Variants in DOCK4 observed in about 807,000 individuals in gnomAD.
DOCK4 encodes the protein dedicator of cytokinesis protein 4.
A neutral mutation model predicts 268.1 loss-of-function variants in DOCK4; 97 were observed. The observed-to-expected ratio is 0.36, with a 90% CI of 0.31 to 0.43. DOCK4 has a LOEUF of 0.43. Among genes scored for constraint, DOCK4 ranks in the 20% least tolerant of loss-of-function variants. The pLI is 1.00. For synonymous variants in DOCK4, 954 were observed against 887.2 expected (o/e 1.08, Z -1.34); for missense variants, 2,145 against 2,455.7 (o/e 0.87, Z 2.67).
chr7:111,834,758 T>A, intron 25 of DOCK4, 72 bp from the exon 26 acceptor site: 1 of 998,978 alleles, frequency 1.0e-6, no homozygotes, highest in Non-Finnish European at 1.4e-6. Context: ...TAACTTACAC[T>A]GAACTGTCCT....
intron 1 of DOCK4, among the ~76,000 whole-genome samples, chr7:112,197,640 T>A (rs1270718234): frequency 6.6e-6 from 1 of 152,208 alleles, no homozygotes; most frequent in African/African-American, 2.4e-5. Flanking sequence ...GAATCCTTTG[T>A]ACCCATATTA....
intron 35 of DOCK4, among the ~76,000 whole-genome samples, chr7:111,781,514 G>C (rs1798781623): frequency 6.6e-6 from 1 of 152,204 alleles, no homozygotes; most frequent in African/African-American, 2.4e-5. Context: ...TGGCCTGCAG[G>C]TTACCGTTGG....
At position 111,811,967 on chromosome 7, in the gene DOCK4, G is replaced by T; in HGVS notation, c.2931-18C>A. Reference sequence around the variant, plus strand: ...TAATAACACTAGTGATAAAAAAAATGACAAGGTGAAAACTTCATATTAGTG... The same window carrying T: ...TAATAACACTAGTGATAAAAAAAATTACAAGGTGAAAACTTCATATTAGTG... On this transcript the variant is annotated intron_variant, in intron 27 of 52. Transcript: ENST00000428084. 3 of 1,393,386 alleles carry T rather than the reference G, an allele frequency of 2.2e-6. No individual in the cohort carries two copies. Among genetic ancestry groups the T allele is most frequent in the South Asian group, 1.3e-5 (1 of 75,128 alleles). The allele number at this position is 1,393,386 out of a possible 1,614,324, so 86.3% of individuals were successfully genotyped here.
intron 1 of DOCK4, among the ~76,000 whole-genome samples, chr7:112,066,697 A>G (rs1375266565): frequency 0.029 from 660 of 22,862 alleles, 32 homozygotes; most frequent in African/African-American, 0.091. Flanking sequence ...ATACATATAT[A>G]TATATATATA....
chr7:112,142,864 T>C (rs1016870019), intron 1 of DOCK4, among the ~76,000 whole-genome samples: 2 of 152,184 alleles, frequency 1.3e-5, no homozygotes, highest in Non-Finnish European at 2.9e-5. Context: ...TTGTTTCCTT[T>C]AATGCATTTG....
At chr7:112,185,801 GCA>G (rs753937681) in intron 1 of DOCK4, among the ~76,000 whole-genome samples, 1 of 152,150 alleles carries the variant, frequency 6.6e-6, no homozygotes, top group South Asian at 2.1e-4. Context: ...ACCAATGAAT[GCA>G]CAGTCTTAAA....
At chr7:112,200,079 G>A (rs1251290111) in intron 1 of DOCK4, among the ~76,000 whole-genome samples, 1 of 152,190 alleles carries the variant, frequency 6.6e-6, no homozygotes, top group African/African-American at 2.4e-5. Context: ...TGTCATGAAA[G>A]GAACTTCACA....
chr7:112,146,300 G>A (rs1192432088), intron 1 of DOCK4, among the ~76,000 whole-genome samples: 2 of 152,166 alleles, frequency 1.3e-5, no homozygotes, highest in Non-Finnish European at 2.9e-5. Context: ...GGTCATCCTA[G>A]AAGAGGCTTT....
rs567739927 is a variant in DOCK4, at chr7:111,960,350, C to T, written c.702-14552G>A. 3.5e-5 allele frequency among the ~76,000 whole-genome samples: 5 copies of T among 142,596 alleles called. No individual in the cohort carries two copies. In the South Asian group the frequency reaches 6.5e-4, roughly 19 times the overall value. 93.5% of individuals were successfully genotyped at this position (142,596 alleles called of 152,430 possible). A position where few individuals can be genotyped will look rare whatever the true frequency, so the allele number is the denominator to read the frequency against. ...CTGCACTCCAGCCTGGGCAACAGAG[C>T]GAGGCTCTGTCTTAAAAAAAAAAAA... On this transcript the variant is annotated intron_variant, in intron 8 of 52. Transcript: ENST00000428084.
Position 111,940,493 on chromosome 7 carries a change from A to G in DOCK4, c.845-251T>C, listed in dbSNP as rs115879673. ...ATCTGTAAAATACAAAGACTGGAACAGATCCCATGTTTGGGAACCATCCCC... is the reference window on the plus strand; with the variant it reads ...ATCTGTAAAATACAAAGACTGGAACGGATCCCATGTTTGGGAACCATCCCC... On this transcript the variant is annotated intron_variant, in intron 10 of 52. Transcript: ENST00000428084. Among the ~76,000 whole-genome samples, 1,040 of 152,352 alleles carry G rather than the reference A, an allele frequency of 6.8e-3. 14 individuals are homozygous for G. Among genetic ancestry groups the G allele is most frequent in the African/African-American group, 0.024 (979 of 41,590 alleles).
At chr7:112,134,050 T>A (rs1357505967) in intron 1 of DOCK4, among the ~76,000 whole-genome samples, 1 of 152,228 alleles carries the variant, frequency 6.6e-6, no homozygotes, top group Non-Finnish European at 1.5e-5. Context: ...GCCAGAATGA[T>A]GTCAATTTGA....
Position 111,778,308 on chromosome 7 carries a change from T to A in DOCK4, c.3647A>T (p.Tyr1216Phe). ...GTTCTGTGCTTTGAGATGCAGATCA[T>A]AGAGTTTGTGAATGTAGCGTATATA... is the stretch of plus-strand genomic sequence containing the variant. ...EMYIRYIHKL[Y>F]DLHLKAQNFT... The change falls in exon 36 of 53, where the codon TAT becomes TTT. Residue 1216 changes from tyrosine (Y) to phenylalanine (F), a missense_variant. Tyr to Phe is a conservative substitution (Grantham distance 22). Transcript: ENST00000428084. 1 of 1,613,152 alleles carries A rather than the reference T, an allele frequency of 6.2e-7. No homozygotes were observed. The highest frequency in any genetic ancestry group is 8.5e-7 in the Non-Finnish European group (1 of 1,179,334).
chr7:112,072,642 C>T (rs1807698499), intron 1 of DOCK4, among the ~76,000 whole-genome samples: 1 of 152,166 alleles, frequency 6.6e-6, no homozygotes, highest in African/African-American at 2.4e-5. Flanking sequence ...GTCAGGCAAC[C>T]ATCAGGTGAT....
At chr7:111,735,309 A>C in intron 50 of DOCK4, 142 bp from the exon 51 acceptor site, 1 of 593,026 alleles carries the variant, frequency 1.7e-6, no homozygotes, top group Non-Finnish European at 2.9e-6. Flanking sequence ...TGAATACTAA[A>C]CCTTTATTTA....
chr7:112,202,081 T>G (rs1655479865), intron 1 of DOCK4, among the ~76,000 whole-genome samples: 1 of 152,204 alleles, frequency 6.6e-6, no homozygotes, highest in Admixed American at 6.5e-5. Flanking sequence ...TCTTTACCCA[T>G]TCATCTGATG....
At chr7:111,973,534 T>C (rs1797899271) in intron 8 of DOCK4, among the ~76,000 whole-genome samples, 1 of 152,302 alleles carries the variant, frequency 6.6e-6, no homozygotes, top group African/African-American at 2.4e-5. Context: ...CTGCAACATA[T>C]GGACTTTATT....
chr7:111,791,101 A>ATATATATATATATATATATAT (rs1355856524), intron 30 of DOCK4, among the ~76,000 whole-genome samples: 11 of 115,876 alleles, frequency 9.5e-5, no homozygotes, highest in African/African-American at 2.6e-4. Flanking sequence ...TATATATATA[A>ATATATATATATATATATATAT]AATAAATCAT....
intron 1 of DOCK4, among the ~76,000 whole-genome samples, chr7:112,176,216 G>GATCT (rs759426262): frequency 1.3e-5 from 2 of 152,158 alleles, no homozygotes; most frequent in Non-Finnish European, 2.9e-5. Context: ...AGTGAAAGAA[G>GATCT]ATCTATTGGG....
chr7:112,049,003 A>G (rs781682426), intron 1 of DOCK4, among the ~76,000 whole-genome samples: 9 of 152,232 alleles, frequency 5.9e-5, no homozygotes, highest in Non-Finnish European at 1.3e-4. Flanking sequence ...CAAAGGCTGA[A>G]AGAATTCACT....
Sources: gnomAD v4.1 joint callset for allele counts (sites outside exome capture counted in the v4.1 genomes callset) on GRCh38, gnomAD v4.1.1 for gene constraint, MANE v1.5 for transcripts, NCBI Gene and HGNC (gene_info 2026-07-23, HGNC 2026-07-21) for gene names.